The following TRPM6 variants were observed in gnomAD, a reference collection of about 807,000 sequenced individuals.
The protein encoded by TRPM6 is transient receptor potential cation channel subfamily M member 6.
Under a neutral mutation model 247.6 loss-of-function variants are expected in TRPM6, and 111 were observed. That is an observed-to-expected ratio of 0.45 (90% CI 0.38 to 0.52). TRPM6 has a LOEUF of 0.52. TRPM6 is among the 20% of genes least tolerant of loss of function. TRPM6 has a pLI of 0.00. For missense variants in TRPM6, 2,126 were observed against 2,421.5 expected, an observed-to-expected ratio of 0.88 and a Z score of 2.56; for synonymous variants, 892 against 853.8, an observed-to-expected ratio of 1.04 and a Z score of -0.78.
At chr9:74,887,473 G>T in intron 1 of TRPM6, 1 of 988,396 alleles carries the variant, frequency 1.0e-6, no homozygotes, top group Non-Finnish European at 1.4e-6. Context: ...GGCCCGGAGC[G>T]GAATCAGAGC....
At chr9:74,786,776 T>C (rs1827691241) in intron 20 of TRPM6, among the ~76,000 whole-genome samples, 1 of 152,040 alleles carries the variant, frequency 6.6e-6, no homozygotes, top group African/African-American at 2.4e-5. Flanking sequence ...TCAATACTGC[T>C]GTGGATCTGT....
chr9:74,887,285 C>G (rs1564067853), intron 1 of TRPM6: 2 of 1,353,204 alleles, frequency 1.5e-6, no homozygotes, highest in South Asian at 4.2e-5. Context: ...ACTGGGCGCA[C>G]GGGGACGCGC....
At position 74,789,520 on chromosome 9, in the gene TRPM6, CA is replaced by C. The variant is rs142762927; in HGVS notation, c.2539-779del. On this transcript the variant is annotated intron_variant, in intron 19 of 38. Transcript: ENST00000360774. ...CAGAAGCAGAATATCTGTCCATGCG[CA>C]TTGAAAACTGTGACAAATATTACTA... is the stretch of plus-strand genomic sequence containing the variant. 3.8e-3 allele frequency among the ~76,000 whole-genome samples: 575 copies of C among 152,234 alleles called. 3 individuals are homozygous for C. Among genetic ancestry groups the C allele is most frequent in the Non-Finnish European group, 5.1e-3 (347 of 68,010 alleles).
At chr9:74,759,848 G>T (rs1401364544) in intron 27 of TRPM6, among the ~76,000 whole-genome samples, 1 of 151,688 alleles carries the variant, frequency 6.6e-6, no homozygotes, top group African/African-American at 2.4e-5. Context: ...CAAAATATTT[G>T]CAAAAACATC....
chr9:74,736,643 TAAATATCTC>T (rs1201072418), intron 36 of TRPM6, among the ~76,000 whole-genome samples: 4 of 152,216 alleles, frequency 2.6e-5, no homozygotes, highest in African/African-American at 9.6e-5. Context: ...AACTCTCTGA[TAAATATCTC>T]AAATTTCATA....
intron 3 of TRPM6, among the ~76,000 whole-genome samples, chr9:74,844,607 C>A (rs1195280775): frequency 6.6e-6 from 1 of 152,212 alleles, no homozygotes; most frequent in African/African-American, 2.4e-5. Context: ...ATTAGTCTTT[C>A]ATTTAGGGGA....
Position 74,762,646 on chromosome 9 carries a change from C to A in TRPM6, c.4025G>T (p.Gly1342Val), listed in dbSNP as rs1209598193. 1.2e-6 allele frequency: 2 copies of A among 1,614,176 alleles called. No individual in the cohort carries two copies. The highest frequency in any genetic ancestry group is 1.7e-5 in the Admixed American group (1 of 60,034). The change falls in exon 26 of 39, where the codon GGC becomes GTC. Residue 1342 changes from glycine to valine, a missense_variant. Around this residue, in one of 3 missense-constraint regions of TRPM6, gnomAD observed 717 missense variants for 715.9 expected, o/e 1.00. Transcript: ENST00000360774. Reference sequence around the variant, plus strand: ...ATTAGAGGGGACCAGAAGAAACTGGCCATACTTTGAGTGTGCTTGCCTGTT... The same window carrying A: ...ATTAGAGGGGACCAGAAGAAACTGGACATACTTTGAGTGTGCTTGCCTGTT... Reference protein sequence around the residue: ...SPNRQAHSKYGQFLLVPSNLK... With the variant: ...SPNRQAHSKYVQFLLVPSNLK...
At chr9:74,881,020 C>G (rs572130357) in intron 1 of TRPM6, among the ~76,000 whole-genome samples, 1 of 152,060 alleles carries the variant, frequency 6.6e-6, no homozygotes, top group African/African-American at 2.4e-5. Flanking sequence ...CCTGGCTGGG[C>G]GTGGTAGCTT....
At chr9:74,749,416 C>T (rs60627004) in intron 30 of TRPM6, among the ~76,000 whole-genome samples, 5,849 of 152,216 alleles carry the variant, frequency 0.038, 372 homozygotes, top group African/African-American at 0.13. Flanking sequence ...TTTTAATTAG[C>T]TTTGTGATCA....
In TRPM6 at chr9:74,821,756, T is replaced by C; in HGVS notation, c.923A>G (p.Lys308Arg). The C allele has an allele frequency of 1.2e-6, 2 of 1,614,190 alleles. No individual in the cohort carries two copies. The highest frequency in any genetic ancestry group is 1.7e-6 in the Non-Finnish European group (2 of 1,180,030). The change falls in exon 8 of 39, where the codon AAG becomes AGG. Residue 308 changes from lysine (K) to arginine (R), a missense_variant. Physicochemically the swap from Lys to Arg is conservative, Grantham distance 26 (BLOSUM62 2). Around this residue, in one of 3 missense-constraint regions of TRPM6, gnomAD observed 1,082 missense variants for 1,307.9 expected, o/e 0.83. Transcript: ENST00000360774. ...ACACACCACCACTGGGTCCTTGTCC[T>C]TGACAGTCTCCCACACTGACAGGAT... ...NVILSVWETV[K>R]DKDPVVVCEG...
chr9:74,783,955 C>A (rs1038151427), intron 21 of TRPM6, among the ~76,000 whole-genome samples: 1 of 152,108 alleles, frequency 6.6e-6, no homozygotes, highest in East Asian at 1.9e-4. Context: ...TCCTTGTGAA[C>A]AGCCAGATGG....
chr9:74,785,579 G>A (rs567791906), intron 21 of TRPM6, among the ~76,000 whole-genome samples: 2 of 152,214 alleles, frequency 1.3e-5, no homozygotes, highest in South Asian at 2.1e-4. Flanking sequence ...CTGGAGTGCA[G>A]TGGCGCAATC....
At chr9:74,768,927 C>G (rs1826918984) in intron 25 of TRPM6, among the ~76,000 whole-genome samples, 1 of 152,162 alleles carries the variant, frequency 6.6e-6, no homozygotes, top group Non-Finnish European at 1.5e-5. Context: ...GGGAGGCTAT[C>G]CTGTCCACAT....
At chr9:74,770,033 A>T (rs1353600749) in intron 25 of TRPM6, among the ~76,000 whole-genome samples, 1 of 152,224 alleles carries the variant, frequency 6.6e-6, no homozygotes, top group Non-Finnish European at 1.5e-5. Context: ...TAAAGATATT[A>T]TGTAGGTGAA....
intron 37 of TRPM6, among the ~76,000 whole-genome samples, chr9:74,728,919 A>G (rs1046087222): frequency 1.3e-5 from 2 of 152,226 alleles, no homozygotes; most frequent in African/African-American, 4.8e-5. Context: ...TGGAAAGACA[A>G]GACTATGACA....
intron 7 of TRPM6, among the ~76,000 whole-genome samples, chr9:74,824,582 GA>G (rs1372435121): frequency 2.0e-5 from 1 of 50,728 alleles, no homozygotes; most frequent in Non-Finnish European, 5.8e-5. Context: ...GGTTTAAAAA[GA>G]AAAAAATGTA....
chr9:74,849,703 C>T (rs1830233544), intron 3 of TRPM6, among the ~76,000 whole-genome samples: 1 of 152,174 alleles, frequency 6.6e-6, no homozygotes, highest in Non-Finnish European at 1.5e-5. Context: ...GAACCAAAAA[C>T]AAGAGCTGAA....
chr9:74,785,684 G>A (rs545791621), intron 21 of TRPM6, among the ~76,000 whole-genome samples, 190 bp downstream of exon 21: 7 of 151,938 alleles, frequency 4.6e-5, no homozygotes, highest in East Asian at 1.9e-4. Context: ...CACCATGCCC[G>A]GCTAATTTTT....
At chr9:74,812,566 G>GAAA in intron 11 of TRPM6, 133 bp from the exon 12 acceptor site, 25 of 636,202 alleles carry the variant, frequency 3.9e-5, no homozygotes, top group Non-Finnish European at 5.9e-5. Context: ...AGTGGGTACA[G>GAAA]AAAAAAAAAA....
Sources: allele counts gnomAD v4.1 joint callset (sites outside exome capture counted in the v4.1 genomes callset), GRCh38; gene constraint gnomAD v4.1.1; regional missense constraint gnomAD v4.1.1; transcripts MANE v1.5; gene names NCBI Gene and HGNC (gene_info 2026-07-23, HGNC 2026-07-21).